The following IL1R2 variants were observed in gnomAD, a reference collection of about 807,000 sequenced individuals.
IL1R2 encodes the protein interleukin 1 receptor type 2, also known as interleukin-1 receptor type 2.
A neutral mutation model predicts 39.5 loss-of-function variants in IL1R2; 46 were observed. That is an observed-to-expected ratio of 1.16 (90% CI 0.92 to 1.49). The LOEUF is 1.49. Ranked by LOEUF, IL1R2 falls within the 40% of genes most tolerant of loss-of-function variation. IL1R2 has a pLI of 0.00. For missense variants in IL1R2, 537 were observed against 502.0 expected, an observed-to-expected ratio of 1.07 and a Z score of -0.67; for synonymous variants, 207 against 189.6, an observed-to-expected ratio of 1.09 and a Z score of -0.75.
intron 5 of IL1R2, among the ~76,000 whole-genome samples, chr2:102,020,798 G>A (rs1233552654): frequency 6.6e-6 from 1 of 152,170 alleles, no homozygotes; most frequent in Non-Finnish European, 1.5e-5. Context: ...AACACTAGGG[G>A]GCAGCCGCCC....
rs977104158 is a variant in IL1R2, at chr2:102,005,050, C to T, written c.-61-3465C>T. Among the ~76,000 whole-genome samples, 61 of 152,214 alleles carry T rather than the reference C, an allele frequency of 4.0e-4. 4 individuals are homozygous for T. Among genetic ancestry groups the T allele is most frequent in the Non-Finnish European group, 1.5e-5 (1 of 68,044 alleles). On this transcript the variant is annotated intron_variant, in intron 1 of 8. Coordinates refer to ENST00000332549, the MANE Select transcript of IL1R2 (RefSeq NM_004633.4). ...GAGAGTTAACTTGAAACTCACTTTA[C>T]CTGTAGAAAGAAGAGACTTGATTAG...
At chr2:101,996,505 T>TTTTTTTTG (rs55723899) in intron 1 of IL1R2, among the ~76,000 whole-genome samples, 1 of 137,248 alleles carries the variant, frequency 7.3e-6, no homozygotes, top group Non-Finnish European at 1.6e-5. Flanking sequence ...TTTTTTTTTT[T>TTTTTTTTG]GGGGGGGAGA....
chr2:102,021,549 G>T (rs923368258), intron 5 of IL1R2, among the ~76,000 whole-genome samples: 1 of 152,104 alleles, frequency 6.6e-6, no homozygotes, highest in Admixed American at 6.6e-5. Flanking sequence ...CTCCTGACCT[G>T]TTGATCCACC....
chr2:102,024,732 T>C, intron 7 of IL1R2, 64 bp downstream of exon 7: 2 of 1,607,042 alleles, frequency 1.2e-6, no homozygotes, highest in Non-Finnish European at 1.7e-6. Flanking sequence ...TGGAGACAGT[T>C]ATCACTATGA....
In IL1R2 at chr2:102,009,980, C is replaced by T. The variant is rs189070137; in HGVS notation, c.332+154C>T. The T allele has an allele frequency of 8.6e-6, 7 of 812,056 alleles. No individual in the cohort carries two copies. The African/African-American group carries it at 1.0e-4, about 12-fold the overall frequency. 50.3% of individuals were successfully genotyped at this position (812,056 alleles called of 1,614,324 possible). On this transcript the variant is annotated intron_variant, in intron 3 of 8. Transcript: ENST00000332549. ...CCGTTTGCTGTTCCTGACACCCCCC[C>T]CAACCCTACAGTCTCATTCTGTCTC...
Position 101,994,246 on chromosome 2 carries a change from C to T in IL1R2, c.-62+2235C>T, listed in dbSNP as rs370315899. On this transcript the variant is annotated intron_variant, in intron 1 of 8. Coordinates refer to ENST00000332549, the MANE Select transcript of IL1R2 (RefSeq NM_004633.4). ...CTAGTAGGGGTTCCCTTCTACATCCCCACTCCCACCCCGACCTCCAAAGCC... is the reference window on the plus strand; with the variant it reads ...CTAGTAGGGGTTCCCTTCTACATCCTCACTCCCACCCCGACCTCCAAAGCC... Among the ~76,000 whole-genome samples, 38 of 152,220 alleles carry T rather than the reference C, an allele frequency of 2.5e-4. No individual in the cohort carries two copies. In the East Asian group the frequency reaches 6.0e-3, roughly 24 times the overall value.
At chr2:102,003,255 G>A (rs1050380338) in intron 1 of IL1R2, among the ~76,000 whole-genome samples, 4 of 133,158 alleles carry the variant, frequency 3.0e-5, no homozygotes, top group Admixed American at 7.6e-5. Flanking sequence ...TGTCTGTGTC[G>A]GTGTCTGTGT....
At chr2:102,022,753 C>G (rs1577731616) in intron 6 of IL1R2, among the ~76,000 whole-genome samples, 1 of 152,202 alleles carries the variant, frequency 6.6e-6, no homozygotes, top group Non-Finnish European at 1.5e-5. Flanking sequence ...ACCAATGGGG[C>G]TTTCTGCTTT....
At chr2:102,016,899 T>G (rs532903642) in intron 4 of IL1R2, among the ~76,000 whole-genome samples, 33 of 152,312 alleles carry the variant, frequency 2.2e-4, no homozygotes, top group Non-Finnish European at 4.0e-4. Flanking sequence ...GAGGGATGAC[T>G]GTATTTTAAA....
chr2:102,023,896 A>C (rs1677550404), intron 6 of IL1R2, among the ~76,000 whole-genome samples: 1 of 151,830 alleles, frequency 6.6e-6, no homozygotes, highest in Non-Finnish European at 1.5e-5. Flanking sequence ...AAAATACAAA[A>C]AAAATTAGCC....
chr2:102,019,972 G>A (rs889172396), intron 5 of IL1R2, among the ~76,000 whole-genome samples, 160 bp downstream of exon 5: 8 of 152,350 alleles, frequency 5.3e-5, no homozygotes, highest in African/African-American at 1.9e-4. Flanking sequence ...AATAAGACGT[G>A]TGTGATACTT....
chr2:102,018,295 C>T (rs1472897389), intron 4 of IL1R2, among the ~76,000 whole-genome samples: 4 of 152,178 alleles, frequency 2.6e-5, no homozygotes, highest in Non-Finnish European at 4.4e-5. Context: ...AAGTTTTTAC[C>T]TGGAGAGGAA....
Position 102,028,434 on chromosome 2 carries a change from C to G in IL1R2, c.*42C>G. On this transcript the variant is annotated 3_prime_UTR_variant, in exon 9 of 9. Transcript: ENST00000332549. ...TAATTCAAACACAAACTCCGTACGT[C>G]TTCTCTTATGGAAGTGGCTGTGTCT... 1 of 1,493,252 alleles carries G rather than the reference C, an allele frequency of 6.7e-7. No homozygotes were observed. Among genetic ancestry groups the G allele is most frequent in the Non-Finnish European group, 9.1e-7 (1 of 1,101,640 alleles). The allele number at this position is 1,493,252 out of a possible 1,614,324, so 92.5% of individuals were successfully genotyped here.
chr2:102,008,795 G>A (rs896125579), intron 2 of IL1R2, among the ~76,000 whole-genome samples, 153 bp downstream of exon 2: 3 of 150,816 alleles, frequency 2.0e-5, no homozygotes, highest in African/African-American at 7.3e-5. Flanking sequence ...CCCTAGGCGG[G>A]TGGATTGCTT....
At chr2:101,992,185 A>G (rs1312607540) in intron 1 of IL1R2, among the ~76,000 whole-genome samples, 174 bp downstream of exon 1, 3 of 150,560 alleles carry the variant, frequency 2.0e-5, no homozygotes, top group East Asian at 4.0e-4. Context: ...AGAGAGAGAG[A>G]TGGAGAGACA....
intron 3 of IL1R2, 147 bp downstream of exon 3, chr2:102,009,973 A>AC (rs1013699456): frequency 9.8e-4 from 780 of 796,300 alleles, no homozygotes; most frequent in African/African-American, 1.5e-3. Context: ...TGTTCCTGAC[A>AC]CCCCCCCCAA....
intron 1 of IL1R2, among the ~76,000 whole-genome samples, chr2:102,006,870 G>T (rs1482080505): frequency 6.6e-6 from 1 of 152,222 alleles, no homozygotes; most frequent in Non-Finnish European, 1.5e-5. Flanking sequence ...GAGTGAGTTA[G>T]TTCCCAGTGT....
chr2:102,006,359 A>T (rs1039827898), intron 1 of IL1R2, among the ~76,000 whole-genome samples: 1 of 152,162 alleles, frequency 6.6e-6, no homozygotes, highest in Non-Finnish European at 1.5e-5. Context: ...ATTGTGTAGA[A>T]ACAGAGTTTA....
At chr2:102,027,781 C>A (rs1677823562) in intron 8 of IL1R2, among the ~76,000 whole-genome samples, 3 of 152,122 alleles carry the variant, frequency 2.0e-5, no homozygotes, top group African/African-American at 4.8e-5. Context: ...TGGACCCAAG[C>A]AATCGTGTTG....
Sources: allele counts gnomAD v4.1 joint callset (sites outside exome capture counted in the v4.1 genomes callset), GRCh38; gene constraint gnomAD v4.1.1; transcripts MANE v1.5; gene names NCBI Gene and HGNC (gene_info 2026-07-23, HGNC 2026-07-21).